Variants in GPHN observed in about 807,000 individuals in gnomAD.
GPHN encodes gephyrin.
A neutral mutation model predicts 95.5 loss-of-function variants in GPHN; 17 were observed. That is an observed-to-expected ratio of 0.18 (90% CI 0.12 to 0.27). GPHN has a LOEUF of 0.27. Among genes scored for constraint, GPHN ranks in the 10% least tolerant of loss-of-function variants. The pLI, the probability that GPHN is intolerant of heterozygous loss-of-function variation, is 1.00. For missense variants in GPHN, 660 were observed against 978.1 expected (o/e 0.67, Z 4.34); for synonymous variants, 320 against 322.5 (o/e 0.99, Z 0.08).
At chr14:67,713,685 C>G in the GPHN span, among the ~76,000 whole-genome samples, 1 of 152,094 alleles carries the variant, frequency 6.6e-6, no homozygotes, top group African/African-American at 2.4e-5. Context: ...TTTATTTTGC[C>G]AAGGTTGAGG....
chr14:67,024,118 C>T (rs891830362), intron 10 of GPHN, among the ~76,000 whole-genome samples: 9 of 152,118 alleles, frequency 5.9e-5, no homozygotes. Context: ...ACTTCACAGG[C>T]AGCATGTGTT....
At chr14:67,438,076 C>G in the GPHN span, among the ~76,000 whole-genome samples, 1 of 152,110 alleles carries the variant, frequency 6.6e-6, no homozygotes, top group Admixed American at 6.6e-5. Flanking sequence ...TGTCCGTGCT[C>G]CCCAGCTGTC....
At chr14:67,241,551 G>C in the GPHN span, 1 of 153,114 alleles carries the variant, frequency 6.5e-6, no homozygotes, top group South Asian at 2.1e-4. Flanking sequence ...GCGGATCGGC[G>C]GCGGCTGGGC....
the GPHN span, among the ~76,000 whole-genome samples, chr14:67,489,858 T>C: frequency 3.9e-5 from 6 of 152,024 alleles, no homozygotes; most frequent in Non-Finnish European, 5.9e-5. Context: ...GGTGTGATGG[T>C]GGGCACCTGT....
intron 4 of GPHN, among the ~76,000 whole-genome samples, chr14:66,838,477 C>G (rs182507125): frequency 6.6e-5 from 10 of 152,196 alleles, no homozygotes; most frequent in Non-Finnish European, 1.3e-4. Flanking sequence ...CTTGTTTTAG[C>G]TTGAATTTAT....
intron 8 of GPHN, among the ~76,000 whole-genome samples, chr14:66,962,652 A>G (rs908327082): frequency 7.9e-5 from 12 of 151,770 alleles, no homozygotes; most frequent in Non-Finnish European, 1.5e-4. Flanking sequence ...CTCCATTTGT[A>G]TCTACTCTTT....
intron 2 of GPHN, among the ~76,000 whole-genome samples, chr14:66,773,169 C>T (rs1016865495): frequency 6.6e-6 from 1 of 152,146 alleles, no homozygotes; most frequent in South Asian, 2.1e-4. Flanking sequence ...CAGACTTGTC[C>T]CATGAAGTGT....
At chr14:66,764,451 T>A (rs79887167) in intron 2 of GPHN, among the ~76,000 whole-genome samples, 1,852 of 152,220 alleles carry the variant, frequency 0.012, 19 homozygotes, top group Non-Finnish European at 0.018. Flanking sequence ...TTTTTTTTTT[T>A]AATCATTTTA....
the GPHN span, chr14:67,651,548 G>A: frequency 2.6e-6 from 4 of 1,564,730 alleles, no homozygotes; most frequent in Non-Finnish European, 2.6e-6. Flanking sequence ...ACATTTTGGG[G>A]TTAGACCTGG....
intron 9 of GPHN, among the ~76,000 whole-genome samples, chr14:67,019,166 A>C (rs527881739): frequency 3.3e-5 from 5 of 152,222 alleles, no homozygotes; most frequent in African/African-American, 1.2e-4. Flanking sequence ...ATAACAGAGA[A>C]GAGTACTTAG....
chr14:66,840,321 C>G (rs1281123905), intron 4 of GPHN, among the ~76,000 whole-genome samples: 1 of 151,836 alleles, frequency 6.6e-6, no homozygotes, highest in Non-Finnish European at 1.5e-5. Flanking sequence ...AAAGCAAATC[C>G]TAGTATAAGT....
chr14:67,673,982 G>C, the GPHN span, among the ~76,000 whole-genome samples: 1 of 152,136 alleles, frequency 6.6e-6, no homozygotes, highest in South Asian at 2.1e-4. Flanking sequence ...CTTTTTCTGT[G>C]CTACGGATCC....
At chr14:67,575,510 T>G in the GPHN span, 2 of 1,312,114 alleles carry the variant, frequency 1.5e-6, no homozygotes, top group Non-Finnish European at 2.2e-6. Flanking sequence ...ACTCTCCTGC[T>G]TCCCCCGAAG....
intron 3 of GPHN, among the ~76,000 whole-genome samples, chr14:66,808,830 A>G (rs2060651641): frequency 1.3e-5 from 2 of 152,312 alleles, no homozygotes; most frequent in Admixed American, 1.3e-4. Context: ...TATGTATAAA[A>G]TATTTTGGAA....
chr14:67,092,225 G>T (rs749090135), intron 12 of GPHN, among the ~76,000 whole-genome samples: 1 of 152,034 alleles, frequency 6.6e-6, no homozygotes, highest in African/African-American at 2.4e-5. Context: ...TAATAAAGAT[G>T]ATTTTCATTT....
chr14:67,556,659 G>A, the GPHN span, among the ~76,000 whole-genome samples: 8 of 152,156 alleles, frequency 5.3e-5, no homozygotes, highest in South Asian at 4.1e-4. Flanking sequence ...AGGCTGAGGC[G>A]AGAGGATCTC....
At chr14:66,668,285 T>G (rs576396966) in intron 1 of GPHN, among the ~76,000 whole-genome samples, 2 of 152,334 alleles carry the variant, frequency 1.3e-5, no homozygotes, top group East Asian at 3.9e-4. Flanking sequence ...TTACTGGGTA[T>G]ATACCCAAAG....
the GPHN span, among the ~76,000 whole-genome samples, chr14:67,372,077 C>T: frequency 6.6e-6 from 1 of 151,704 alleles, no homozygotes; most frequent in Non-Finnish European, 1.5e-5. Context: ...CCAGCCTGGG[C>T]AACATAGCAG....
At chr14:67,357,149 T>G in the GPHN span, among the ~76,000 whole-genome samples, 1 of 152,258 alleles carries the variant, frequency 6.6e-6, no homozygotes, top group African/African-American at 2.4e-5. Flanking sequence ...CGTCTTTTAC[T>G]TCCACTCTAC....
Sources: gnomAD v4.1 joint callset for allele counts (sites outside exome capture counted in the v4.1 genomes callset) on GRCh38, gnomAD v4.1.1 for gene constraint, MANE v1.5 for transcripts, NCBI Gene and HGNC (gene_info 2026-07-23, HGNC 2026-07-21) for gene names.